GGCX: variants seen among roughly 807,000 people sequenced by gnomAD.
GGCX encodes the protein vitamin K-dependent gamma-carboxylase.
A neutral mutation model predicts 88.5 loss-of-function variants in GGCX; 63 were observed. That is an observed-to-expected ratio of 0.71 (90% CI 0.58 to 0.88). The LOEUF is 0.88. GGCX is among the 40% of genes least tolerant of loss of function. The probability of loss-of-function intolerance (pLI) is 0.00; values close to 1 mark genes in which losing one functional copy is unlikely to be tolerated. For missense variants in GGCX, 805 were observed against 932.9 expected (o/e 0.86, Z 1.79); for synonymous variants, 368 against 365.8 (o/e 1.01, Z -0.07).
chr2:85,561,059 A>G, intron 1 of GGCX, 74 bp from the exon 2 acceptor site: 2 of 1,278,420 alleles, frequency 1.6e-6, no homozygotes, highest in Non-Finnish European at 2.3e-6. Flanking sequence ...CACTGCACCA[A>G]CAGCTCAGAG....
At position 85,552,412 on chromosome 2, in the gene GGCX, C is replaced by G. The variant is rs1412128756; in HGVS notation, c.1439+4G>C. 6.2e-7 allele frequency: 1 copy of G among 1,613,496 alleles called. No homozygotes were observed. Among genetic ancestry groups the G allele is most frequent in the South Asian group, 1.1e-5 (1 of 91,070 alleles). ...TTTTCCCACTCTCTGCTCCCCTTGCCCACCTCTGCTGGAAGCGGTCATTGA... is the reference window on the plus strand; with the variant it reads ...TTTTCCCACTCTCTGCTCCCCTTGCGCACCTCTGCTGGAAGCGGTCATTGA... On this transcript the variant is annotated splice_donor_region_variant and intron_variant, in intron 10 of 14. Coordinates refer to ENST00000233838, the MANE Select transcript of GGCX (RefSeq NM_000821.7).
At position 85,550,944 on chromosome 2, in the gene GGCX, T is replaced by C. The variant is rs777508211; in HGVS notation, c.1869A>G (p.Glu623=). 4 of 1,614,066 alleles carry C rather than the reference T, an allele frequency of 2.5e-6. 1 individual carries two copies. The South Asian group carries it at 3.3e-5, about 13-fold the overall frequency. ...ACTCACCACTTCCATTCTCCACCTT[T>C]TCCTTTAATTCTTGCAGATATGCCA... ...QDLAYLQELK[E]KVENGSETGP... is the part of the protein sequence containing the mutation. Residue 623 remains glutamate (E), a synonymous_variant, in exon 13 of 15, where the codon GAA becomes GAG. Transcript: ENST00000233838.
At chr2:85,556,783 T>C (rs1692221986) in intron 4 of GGCX, among the ~76,000 whole-genome samples, 1 of 152,106 alleles carries the variant, frequency 6.6e-6, no homozygotes, top group Admixed American at 6.6e-5. Context: ...TAACACCAGA[T>C]GTACTCTGGG....
chr2:85,549,876 G>T lies in GGCX; in HGVS notation c.*58C>A. On this transcript the variant is annotated 3_prime_UTR_variant, in exon 15 of 15. Coordinates refer to ENST00000233838, the MANE Select transcript of GGCX (RefSeq NM_000821.7). ...AATTTTTTTCAAATAAATGTCCATT[G>T]CATAGAATGGGTCTGTGACTGGCTG... The T allele has an allele frequency of 1.2e-5, 12 of 1,029,270 alleles. No individual in the cohort carries two copies. The highest frequency in any genetic ancestry group is 1.6e-5 in the Non-Finnish European group (11 of 669,146). The allele number at this position is 1,029,270 out of a possible 1,614,324, so 63.8% of individuals were successfully genotyped here. A position where few individuals can be genotyped will look rare whatever the true frequency, so the allele number is the denominator to read the frequency against.
At chr2:85,560,154 TCA>T (rs1491103771) in intron 2 of GGCX, among the ~76,000 whole-genome samples, 2 of 152,176 alleles carry the variant, frequency 1.3e-5, no homozygotes, top group Non-Finnish European at 2.9e-5. Context: ...TGCTGCGGCC[TCA>T]GTTAAGAAGC....
At position 85,549,184 on chromosome 2, in the gene GGCX, C is replaced by T. The variant is rs764354100; in HGVS notation, c.*750G>A. ...GGTGCAGGACCTTAAGTCAAATAGA[C>T]GTTAAGTTCAAACCATCAGTCCATT... On this transcript the variant is annotated 3_prime_UTR_variant, in exon 15 of 15. Transcript: ENST00000233838. 2.0e-5 allele frequency: 3 copies of T among 152,204 alleles called. No individual in the cohort carries two copies. Among genetic ancestry groups the T allele is most frequent in the African/African-American group, 4.8e-5 (2 of 41,444 alleles). The allele number at this position is 152,204 out of a possible 1,614,324, so 9.4% of individuals were successfully genotyped here.
chr2:85,552,595 C>G (rs1302250189), intron 9 of GGCX, 28 bp from the exon 10 acceptor site: 2 of 1,606,308 alleles, frequency 1.2e-6, no homozygotes, highest in African/African-American at 2.7e-5. Context: ...ATTAGTCCCA[C>G]CTCATCATTA....
intron 4 of GGCX, 26 bp from the exon 5 acceptor site, chr2:85,556,286 G>T (rs373606337): frequency 3.5e-6 from 5 of 1,434,128 alleles, no homozygotes; most frequent in African/African-American, 1.4e-5. Context: ...TAAACATTGA[G>T]GGGGGAGCTG....
chr2:85,554,108 T>G, intron 7 of GGCX, 35 bp downstream of exon 7: 1 of 1,558,430 alleles, frequency 6.4e-7, no homozygotes, highest in Non-Finnish European at 8.9e-7. Context: ...TGCAAAACTG[T>G]GGTTCCTGTT....
chr2:85,549,680 C>T lies in GGCX; in HGVS notation c.*254G>A. 1 of 475,604 alleles carries T rather than the reference C, an allele frequency of 2.1e-6. No homozygotes were observed. Among genetic ancestry groups the T allele is most frequent in the South Asian group, 2.1e-5 (1 of 47,402 alleles). The allele number at this position is 475,604 out of a possible 1,614,324, so 29.5% of individuals were successfully genotyped here. A position where few individuals can be genotyped will look rare whatever the true frequency, so the allele number is the denominator to read the frequency against. On this transcript the variant is annotated 3_prime_UTR_variant, in exon 15 of 15. Coordinates refer to ENST00000233838, the MANE Select transcript of GGCX (RefSeq NM_000821.7). ...CCAGCCCCCAAAAAGCCACTTTAAA[C>T]CTTATCCTAGGAGGACAGTTTCACA...
chr2:85,552,392 CCA>C, intron 10 of GGCX, 22 bp downstream of exon 10: 1 of 1,609,570 alleles, frequency 6.2e-7, no homozygotes, highest in Non-Finnish European at 8.5e-7. Flanking sequence ...TCATTTTTTC[CCA>C]CTCTCTGCTC....
chr2:85,555,924 C>T (rs977857499), intron 5 of GGCX, among the ~76,000 whole-genome samples: 1 of 152,216 alleles, frequency 6.6e-6, no homozygotes, highest in Non-Finnish European at 1.5e-5. Flanking sequence ...AGTCATAAAG[C>T]ACAGACTGAA....
Position 85,554,252 on chromosome 2 carries a change from C to T in GGCX, c.780G>A (p.Leu260=). 1 of 1,613,692 alleles carries T rather than the reference C, an allele frequency of 6.2e-7. No individual in the cohort carries two copies. Among genetic ancestry groups the T allele is most frequent in the Non-Finnish European group, 8.5e-7 (1 of 1,179,604 alleles). The change falls in exon 7 of 15, where the codon CTG becomes CTA. Residue 260 remains leucine, a synonymous_variant. Coordinates refer to ENST00000233838, the MANE Select transcript of GGCX (RefSeq NM_000821.7). ...TSLLVVHWGG[L]LLDLSAGFLL... ...GGAAACCAGCTGAGAGGTCAAGCAG[C>T]AGCCCACCCCAGTGCACGACCAGCA...
intron 6 of GGCX, chr2:85,554,792 G>C (rs1196163494): frequency 4.3e-6 from 1 of 233,550 alleles, no homozygotes; most frequent in African/African-American, 2.2e-5. Context: ...ACACACTTTA[G>C]GTGTTCAATG....
At chr2:85,550,241 A>C in intron 14 of GGCX, 115 bp from the exon 15 acceptor site, 1 of 775,040 alleles carries the variant, frequency 1.3e-6, no homozygotes, top group East Asian at 2.6e-5. Context: ...CATATATGGG[A>C]ATCTCCCCCC....
Position 85,553,283 on chromosome 2 carries a change from C to T in GGCX, c.1104G>A (p.Leu368=), listed in dbSNP as rs371940471. The part of the protein sequence containing the change: ...LRHQLGAAFT[L]LYLLEQLFLP... Reference sequence around the variant, plus strand: ...GGAATAGCTGCTCCAGGAGGTAGAGCAGGGTGAAGGCAGCTCCCAGCTGAT... The same window carrying T: ...GGAATAGCTGCTCCAGGAGGTAGAGTAGGGTGAAGGCAGCTCCCAGCTGAT... Residue 368 remains leucine (L), a synonymous_variant, in exon 8 of 15, where the codon CTG becomes CTA. Coordinates refer to ENST00000233838, the MANE Select transcript of GGCX (RefSeq NM_000821.7). 1.6e-5 allele frequency: 26 copies of T among 1,614,246 alleles called. No individual in the cohort carries two copies. In the African/African-American group the frequency reaches 3.1e-4, roughly 19 times the overall value.
chr2:85,559,011 A>G lies in GGCX; in HGVS notation c.279T>C (p.Leu93=). Residue 93 remains leucine, a synonymous_variant, in exon 3 of 15, where the codon CTT becomes CTC. Transcript: ENST00000233838. ...RGLSSLDRKY[L]DGLDVCRFPL... Reference sequence around the variant, plus strand: ...GGAAGCGGCACACATCCAGCCCATCAAGGTATTTCCGGTCCAGAGAGCTGA... The same window carrying G: ...GGAAGCGGCACACATCCAGCCCATCGAGGTATTTCCGGTCCAGAGAGCTGA... 1 of 1,614,012 alleles carries G rather than the reference A, an allele frequency of 6.2e-7. No individual in the cohort carries two copies. The highest frequency in any genetic ancestry group is 8.5e-7 in the Non-Finnish European group (1 of 1,179,854).
At chr2:85,553,091 G>A in intron 8 of GGCX, 21 bp from the exon 9 acceptor site, 1 of 1,614,094 alleles carries the variant, frequency 6.2e-7, no homozygotes, top group South Asian at 1.1e-5. Flanking sequence ...AGCACAGAGG[G>A]GAATCAGCTC....
In GGCX at chr2:85,546,417, A is replaced by G. The variant is rs886056364; in HGVS notation, c.*3517T>C. 8.0e-6 allele frequency: 1 copy of G among 124,872 alleles called. No individual in the cohort carries two copies. The highest frequency in any genetic ancestry group is 7.8e-5 in the Admixed American group (1 of 12,878). The allele number at this position is 124,872 out of a possible 1,614,324, so 7.7% of individuals were successfully genotyped here. ...CGGCCAGGGTAACAGAGTGAGACTT[A>G]AAAAAAAAGCCGTGGAAATCTGGGT... On this transcript the variant is annotated 3_prime_UTR_variant, in exon 15 of 15. Coordinates refer to ENST00000233838, the MANE Select transcript of GGCX (RefSeq NM_000821.7).
Sources: allele counts gnomAD v4.1 joint callset (sites outside exome capture counted in the v4.1 genomes callset), GRCh38; gene constraint gnomAD v4.1.1; transcripts MANE v1.5; gene names NCBI Gene and HGNC (gene_info 2026-07-23, HGNC 2026-07-21).